ITPR3: variants seen among roughly 807,000 people sequenced by gnomAD.
The protein encoded by ITPR3 is inositol 1,4,5-trisphosphate-gated calcium channel ITPR3.
In ITPR3, 173 loss-of-function variants were observed where a neutral mutation model predicts 293.2. The observed-to-expected ratio is 0.59, with a 90% CI of 0.52 to 0.67. The LOEUF (loss-of-function observed/expected upper bound fraction) is 0.67, where lower values mean the gene tolerates loss of function less well. Among genes scored for constraint, ITPR3 ranks in the 30% least tolerant of loss-of-function variants. The pLI, the probability that ITPR3 is intolerant of heterozygous loss-of-function variation, is 0.00. For missense variants in ITPR3, 2,796 were observed against 3,592.1 expected, an observed-to-expected ratio of 0.78 and a Z score of 5.66; for synonymous variants, 1,295 against 1,444.4, an observed-to-expected ratio of 0.90 and a Z score of 2.35.
rs773976732 is a variant in ITPR3 at position 33,688,796 on chromosome 6, C to A, written c.6694+15C>A. 1 of 1,613,968 alleles carries A rather than the reference C, an allele frequency of 6.2e-7. No homozygotes were observed. The highest frequency in any genetic ancestry group is 8.5e-7 in the Non-Finnish European group (1 of 1,179,980). ...CGCGTCCACAGGTGAGAACACAGGG[C>A]TGGCCGGCAGGTTCCCCGGGCCCTG... On this transcript the variant is annotated intron_variant, in intron 49 of 57. Transcript: ENST00000605930.
In ITPR3 at chr6:33,680,416, T is replaced by G. The variant is rs765926236; in HGVS notation, c.4312T>G (p.Trp1438Gly). ...MKEIYTSNHI[W>G]TLFENFTLDM... ...GGAGATCTACACCAGCAACCACATC[T>G]GGACGCTCTTTGAGAACTTCACCCT... Residue 1438 changes from tryptophan to glycine, a missense_variant, in exon 32 of 58, where the codon TGG becomes GGG. This residue lies in a region of ITPR3 where 344 missense variants were observed against 460.3 expected (regional missense o/e 0.75). Transcript: ENST00000605930. 6.2e-7 allele frequency: 1 copy of G among 1,613,676 alleles called. No individual in the cohort carries two copies. Among genetic ancestry groups the G allele is most frequent in the Non-Finnish European group, 8.5e-7 (1 of 1,180,020 alleles).
chr6:33,683,970 AC>A lies in ITPR3; in HGVS notation c.4789-47del, dbSNP rs1272011497. ...TTTGGGTCGGAGGAATGGCAGTCAC[AC>A]CCGGGTCATTTCTTGGGCCTGGCAA... On this transcript the variant is annotated intron_variant, in intron 35 of 57. Transcript: ENST00000605930. The surrounding 1 kb of genome is among the most constrained non-coding windows in gnomAD (Gnocchi z 4.5). The A allele has an allele frequency of 1.3e-6, 2 of 1,548,978 alleles. No individual in the cohort carries two copies. The highest frequency in any genetic ancestry group is 1.4e-5 in the African/African-American group (1 of 73,776).
intron 23 of ITPR3, 44 bp from the exon 24 acceptor site, chr6:33,674,163 CG>C (rs1561871497): frequency 6.2e-6 from 10 of 1,609,790 alleles, no homozygotes; most frequent in Non-Finnish European, 7.6e-6. Context: ...CCCTCTTTCC[CG>C]GGCTGGGCCT....
intron 21 of ITPR3, 69 bp downstream of exon 21, chr6:33,671,375 C>G (rs1582142515): frequency 9.0e-7 from 1 of 1,115,894 alleles, no homozygotes; most frequent in Non-Finnish European, 1.3e-6. Context: ...GAAGTTCCCT[C>G]AGATCAACAC....
chr6:33,627,978 G>A (rs1029685709), intron 1 of ITPR3, among the ~76,000 whole-genome samples: 2 of 152,220 alleles, frequency 1.3e-5, no homozygotes, highest in African/African-American at 4.8e-5. Flanking sequence ...AATCCTGCCG[G>A]CCTGAAAGAA....
chr6:33,661,192 A>T (rs1462451561), intron 7 of ITPR3, among the ~76,000 whole-genome samples: 1 of 152,210 alleles, frequency 6.6e-6, no homozygotes, highest in Non-Finnish European at 1.5e-5. Context: ...GCATTCTTGC[A>T]TTCACTGCTG....
intron 17 of ITPR3, 124 bp downstream of exon 17, chr6:33,668,758 CTG>C: frequency 1.4e-6 from 2 of 1,467,942 alleles, no homozygotes; most frequent in Non-Finnish European, 1.9e-6. Context: ...GCTGTGAACT[CTG>C]TGCCTGTTAT....
chr6:33,673,592 T>A lies in ITPR3; in HGVS notation c.2930T>A (p.Phe977Tyr), dbSNP rs1231464443. 2 of 1,614,002 alleles carry A rather than the reference T, an allele frequency of 1.2e-6. No homozygotes were observed. Among genetic ancestry groups the A allele is most frequent in the Non-Finnish European group, 1.7e-6 (2 of 1,179,970 alleles). The stretch of plus-strand genomic sequence containing the variant: ...CCTGACCTTTCCTCTCTTCTCCAGT[T>A]CATCCTCAATGTCCGCCTGGATTAC... ...TKLKILEILQFILNVRLDYRI... is the reference protein window; with the variant it reads ...TKLKILEILQYILNVRLDYRI... The change falls in exon 23 of 58, where the codon TTC becomes TAC. Residue 977 changes from phenylalanine (F) to tyrosine (Y), a missense_variant and splice_region_variant. By Grantham distance (22) the Phe-to-Tyr change is conservative. Transcript: ENST00000605930.
intron 25 of ITPR3, among the ~76,000 whole-genome samples, chr6:33,676,514 G>T (rs111652420): frequency 0.016 from 2,375 of 152,374 alleles, 57 homozygotes; most frequent in African/African-American, 0.053. Context: ...ACACTAGTCA[G>T]TGAGTAACTG....
chr6:33,625,833 G>A (rs940463657), intron 1 of ITPR3, among the ~76,000 whole-genome samples: 1 of 152,136 alleles, frequency 6.6e-6, no homozygotes, highest in Non-Finnish European at 1.5e-5. Flanking sequence ...GAATATAGAC[G>A]AAGCCCCAGG....
chr6:33,686,409 A>T lies in ITPR3; in HGVS notation c.5869A>T (p.Thr1957Ser). 1 of 1,613,700 alleles carries T rather than the reference A, an allele frequency of 6.2e-7. No homozygotes were observed. The highest frequency in any genetic ancestry group is 1.1e-5 in the South Asian group (1 of 91,066). ...YCQGPCHENQ[T>S]CIVTHESNGI... ...TGTGTCCCCCACTGCCTCCTGCCAGACTTGCATTGTGACTCACGAGTCCAA... is the reference window on the plus strand; with the variant it reads ...TGTGTCCCCCACTGCCTCCTGCCAGTCTTGCATTGTGACTCACGAGTCCAA... Residue 1957 changes from threonine to serine, a missense_variant and splice_region_variant, in exon 43 of 58, where the codon ACT becomes TCT. By Grantham distance (58) the Thr-to-Ser change is moderately conservative (BLOSUM62 1). This residue lies in a region of ITPR3 where 704 missense variants were observed against 797.5 expected (regional missense o/e 0.88). Transcript: ENST00000605930.
At chr6:33,642,119 C>T (rs368076182) in intron 2 of ITPR3, among the ~76,000 whole-genome samples, 85 of 152,312 alleles carry the variant, frequency 5.6e-4, no homozygotes, top group African/African-American at 2.0e-3. Context: ...CCCTCCCCAG[C>T]GTCCTCTTGC....
rs148839300 is a variant in ITPR3 at position 33,691,186 on chromosome 6, G to A, written c.7225+77G>A. 138 of 1,424,222 alleles carry A rather than the reference G, an allele frequency of 9.7e-5. 1 individual carries two copies. In the Middle Eastern group the frequency reaches 1.9e-3, roughly 19 times the overall value. 88.2% of individuals were successfully genotyped at this position (1,424,222 alleles called of 1,614,324 possible). A position where few individuals can be genotyped will look rare whatever the true frequency, so the allele number is the denominator to read the frequency against. ...CACAAATGTCTGGCGTCAGGACCAG[G>A]ACCTGCAGCGCTTACCTCACCAGGC... On this transcript the variant is annotated intron_variant, in intron 52 of 57. Coordinates refer to ENST00000605930, the MANE Select transcript of ITPR3 (RefSeq NM_002224.4). This position sits in a 1 kb window ranked among gnomAD's most constrained non-coding sequence, Gnocchi z 4.9.
At chr6:33,663,077 G>A in intron 9 of ITPR3, 71 bp downstream of exon 9, 1 of 1,280,922 alleles carries the variant, frequency 7.8e-7, no homozygotes, top group Non-Finnish European at 1.1e-6. Context: ...GAACATGTGT[G>A]CACATACTTG....
Position 33,670,219 on chromosome 6 carries a change from C to T in ITPR3, c.2190-106C>T. ...GAATTGCAGCTGGCGCATCTTTAAC[C>T]TAATCCCTTTGCCACTTTACTGAGT... On this transcript the variant is annotated intron_variant, in intron 18 of 57. Coordinates refer to ENST00000605930, the MANE Select transcript of ITPR3 (RefSeq NM_002224.4). The surrounding 1 kb of genome is among the most constrained non-coding windows in gnomAD (Gnocchi z 6.7). 8.0e-7 allele frequency: 1 copy of T among 1,243,896 alleles called. No individual in the cohort carries two copies. The highest frequency in any genetic ancestry group is 1.1e-6 in the Non-Finnish European group (1 of 870,042). 77.1% of individuals were successfully genotyped at this position (1,243,896 alleles called of 1,614,324 possible). A position where few individuals can be genotyped will look rare whatever the true frequency, so the allele number is the denominator to read the frequency against.
Position 33,690,056 on chromosome 6 carries a change from TG to T in ITPR3, c.6892del (p.Val2298Ter). 1 of 1,614,216 alleles carries T rather than the reference TG, an allele frequency of 6.2e-7. No individual in the cohort carries two copies. Among genetic ancestry groups the T allele is most frequent in the Non-Finnish European group, 8.5e-7 (1 of 1,180,040 alleles). On this transcript the variant is annotated frameshift_variant, in exon 51 of 58. Transcript: ENST00000605930. LOFTEE classifies it high-confidence loss of function. ...CAGCTGACCAACAAGATCGTGTTTG[TG>T]GTGAGCTTCGTGGGCAACCGTGGCA... ...ALNLTNKIVF[V>X]VSFVGNRGTF...
intron 18 of ITPR3, among the ~76,000 whole-genome samples, chr6:33,669,555 C>G (rs148414353): frequency 0.014 from 2,163 of 152,350 alleles, 44 homozygotes; most frequent in African/African-American, 0.047. Flanking sequence ...CAAGATCGCA[C>G]TACTGCACTC....
chr6:33,644,047 G>A (rs750520904), intron 2 of ITPR3, among the ~76,000 whole-genome samples: 2 of 152,104 alleles, frequency 1.3e-5, no homozygotes, highest in African/African-American at 2.4e-5. Context: ...AAAATTAGCC[G>A]GGCATGGTGG....
chr6:33,622,414 A>C (rs1157083252), intron 1 of ITPR3, among the ~76,000 whole-genome samples: 1 of 152,076 alleles, frequency 6.6e-6, no homozygotes, highest in East Asian at 1.9e-4. Flanking sequence ...GTCCCTGGAG[A>C]GGGCCAGGCC....
Sources: gnomAD v4.1 joint callset for allele counts (sites outside exome capture counted in the v4.1 genomes callset) on GRCh38, gnomAD v4.1.1 for gene constraint, gnomAD v4.1.1 regional missense constraint, Gnocchi (gnomAD v3.1) non-coding constraint, MANE v1.5 for transcripts, NCBI Gene and HGNC (gene_info 2026-07-23, HGNC 2026-07-21) for gene names.